Variants in ESR2 observed in about 807,000 individuals in gnomAD.
The protein encoded by ESR2 is estrogen receptor beta.
A neutral mutation model predicts 49.6 loss-of-function variants in ESR2; 36 were observed. The ratio of observed to expected loss-of-function variants is 0.73; its 90% confidence interval spans 0.56 to 0.96. The LOEUF is 0.96. Among genes scored for constraint, ESR2 ranks in the 40% least tolerant of loss-of-function variants. ESR2 has a pLI of 0.00. For synonymous variants in ESR2, 320 were observed against 266.1 expected, an observed-to-expected ratio of 1.20 and a Z score of -1.97; for missense variants, 714 against 693.0, an observed-to-expected ratio of 1.03 and a Z score of -0.34.
chr14:64,257,330 C>G lies in ESR2; in HGVS notation c.987G>C (p.Arg329=), dbSNP rs766529045. ...CCTCCATCCAACAGCTCTCCAAGAG[C>G]CGCACTTGGTCGAACAGGCTGAGCT... is the stretch of plus-strand genomic sequence containing the variant. ...FVELSLFDQV[R]LLESCWMEVL... The change falls in exon 6 of 9, where the codon CGG becomes CGC. Residue 329 remains arginine, a synonymous_variant. Coordinates refer to ENST00000341099, the MANE Select transcript of ESR2 (RefSeq NM_001437.3). 1 of 1,613,634 alleles carries G rather than the reference C, an allele frequency of 6.2e-7. No homozygotes were observed. Among genetic ancestry groups the G allele is most frequent in the Admixed American group, 1.7e-5 (1 of 60,026 alleles).
chr14:64,333,658 A>G (rs1183879746), intron 1 of ESR2, among the ~76,000 whole-genome samples: 1 of 152,164 alleles, frequency 6.6e-6, no homozygotes, highest in Non-Finnish European at 1.5e-5. Flanking sequence ...TGAGAGCCAA[A>G]CAAGAGGGGA....
chr14:64,248,024 C>T (rs945857593), intron 7 of ESR2, among the ~76,000 whole-genome samples: 2 of 152,216 alleles, frequency 1.3e-5, no homozygotes, highest in Non-Finnish European at 2.9e-5. Context: ...GGATACCTCA[C>T]CTCTACAAAA....
intron 1 of ESR2, chr14:64,337,520 A>G (rs947803696): frequency 2.6e-5 from 4 of 152,318 alleles, no homozygotes; most frequent in Admixed American, 2.6e-4. Flanking sequence ...GCTTGTGCAA[A>G]CTTTGAGAAC....
intron 1 of ESR2, among the ~76,000 whole-genome samples, chr14:64,302,923 C>G (rs912410735): frequency 6.6e-6 from 1 of 152,086 alleles, no homozygotes; most frequent in Admixed American, 6.5e-5. Context: ...CTCAGCCTCC[C>G]GAGTAGCTGG....
Position 64,301,947 on chromosome 14 carries a change from T to C in ESR2, c.-90-18872A>G, listed in dbSNP as rs529961570. Among the ~76,000 whole-genome samples the C allele has an allele frequency of 7.7e-4, 117 of 151,848 alleles. 2 individuals are homozygous for C. The South Asian group carries it at 0.013, about 17-fold the overall frequency. ...GGAGCAGGTTTTCCTCTTTGGGAAG[T>C]TTGGGCTCTGAGGGTAGAGAAGACA... On this transcript the variant is annotated intron_variant, in intron 1 of 8. Coordinates refer to the ESR2 transcript ENST00000358599.
chr14:64,337,448 T>C (rs961182607), intron 1 of ESR2: 2 of 152,206 alleles, frequency 1.3e-5, no homozygotes. Flanking sequence ...TGCTCAGGTA[T>C]AAAACAACTT....
chr14:64,227,347 T>C (rs2098722324), downstream of ESR2: 1 of 662,462 alleles, frequency 1.5e-6, no homozygotes, highest in African/African-American at 1.8e-5. Context: ...CTTTAGCGTT[T>C]ACAGTTATCA....
At chr14:64,292,909 T>A (rs1284508682) in intron 1 of ESR2, among the ~76,000 whole-genome samples, 1 of 152,340 alleles carries the variant, frequency 6.6e-6, no homozygotes, top group East Asian at 1.9e-4. Flanking sequence ...GTCCTAAACA[T>A]GTTAATTGAT....
intron 7 of ESR2, among the ~76,000 whole-genome samples, chr14:64,243,409 A>C (rs987309492): frequency 3.9e-5 from 6 of 152,240 alleles, no homozygotes; most frequent in African/African-American, 1.4e-4. Context: ...AAGTGAGCAC[A>C]TGCTGTTGGA....
chr14:64,262,560 G>A (rs367777540), intron 4 of ESR2, among the ~76,000 whole-genome samples: 3 of 151,924 alleles, frequency 2.0e-5, no homozygotes, highest in African/African-American at 7.2e-5. Context: ...AATTAATCAA[G>A]AACACGTTAC....
chr14:64,250,374 A>G (rs1462401263), intron 6 of ESR2, among the ~76,000 whole-genome samples: 3 of 152,240 alleles, frequency 2.0e-5, no homozygotes, highest in African/African-American at 7.2e-5. Context: ...GAGCCATCTA[A>G]TCAAAATTCT....
chr14:64,249,423 CA>C, intron 7 of ESR2, 122 bp downstream of exon 7: 3 of 1,204,976 alleles, frequency 2.5e-6, no homozygotes, highest in Non-Finnish European at 3.5e-6. Flanking sequence ...AAACGAAGTC[CA>C]AAAGGAAACC....
At chr14:64,335,839 T>TTAA (rs2077523653) in intron 1 of ESR2, 1 of 145,172 alleles carries the variant, frequency 6.9e-6, no homozygotes, top group Non-Finnish European at 1.5e-5. Flanking sequence ...AGTCTCACTC[T>TTAA]GTAACCCAGG....
intron 7 of ESR2, among the ~76,000 whole-genome samples, chr14:64,237,167 G>A (rs1211184744): frequency 2.6e-5 from 4 of 151,922 alleles, no homozygotes; most frequent in African/African-American, 7.3e-5. Flanking sequence ...TCACCATGCT[G>A]GCCAGGCTGG....
At chr14:64,280,215 GA>G (rs5809225) in intron 2 of ESR2, 62 bp from the exon 3 acceptor site, 99 of 1,039,496 alleles carry the variant, frequency 9.5e-5, no homozygotes, top group Middle Eastern at 6.9e-4. Flanking sequence ...GGCTTTCTAG[GA>G]AAAAAAAATA....
intron 1 of ESR2, among the ~76,000 whole-genome samples, chr14:64,331,822 C>CAA (rs368932180): frequency 0.099 from 5,079 of 51,522 alleles, 252 homozygotes; most frequent in Non-Finnish European, 0.14. Context: ...GACTCCATCT[C>CAA]AAAAAAAAAA....
Position 64,260,488 on chromosome 14 carries a change from C to G in ESR2, c.913G>C (p.Glu305Gln). The G allele has an allele frequency of 6.5e-7, 1 of 1,531,400 alleles. No homozygotes were observed. Among genetic ancestry groups the G allele is most frequent in the Non-Finnish European group, 8.8e-7 (1 of 1,140,078 alleles). 94.9% of individuals were successfully genotyped at this position (1,531,400 alleles called of 1,614,324 possible). A position where few individuals can be genotyped will look rare whatever the true frequency, so the allele number is the denominator to read the frequency against. ...MMSLTKLADK[E>Q]LVHMISWAKK... ...GCCCAGCTGATCATGTGTACCAACT[C>G]CTTGTCGGCCAACTTGGTCAGGGAC... is the stretch of plus-strand genomic sequence containing the variant. The change falls in exon 5 of 9, where the codon GAG becomes CAG. Residue 305 changes from glutamate (E) to glutamine (Q), a missense_variant. Coordinates refer to ENST00000341099, the MANE Select transcript of ESR2 (RefSeq NM_001437.3).
In ESR2 at chr14:64,233,108, T is replaced by G. The variant is rs989397691; in HGVS notation, c.*29A>C. 1.2e-6 allele frequency: 2 copies of G among 1,604,222 alleles called. No homozygotes were observed. The highest frequency in any genetic ancestry group is 1.7e-5 in the Admixed American group (1 of 59,732). ...AGTTCACGCTTCAGCCTGTGACCTC[T>G]GTGGGCCAGTTCACCTCAGGGCCAG... On this transcript the variant is annotated 3_prime_UTR_variant, in exon 9 of 9. Transcript: ENST00000341099.
chr14:64,259,928 T>C (rs1302591117), intron 5 of ESR2, among the ~76,000 whole-genome samples: 2 of 152,060 alleles, frequency 1.3e-5, no homozygotes, highest in Non-Finnish European at 2.9e-5. Flanking sequence ...AATGGGTCAA[T>C]GTGGAGTCTA....
Sources: gnomAD v4.1 joint callset for allele counts (sites outside exome capture counted in the v4.1 genomes callset) on GRCh38, gnomAD v4.1.1 for gene constraint, MANE v1.5 for transcripts, NCBI Gene and HGNC (gene_info 2026-07-23, HGNC 2026-07-21) for gene names.